OPHN1: variants seen among roughly 807,000 people sequenced by gnomAD.
The protein encoded by OPHN1 is oligophrenin 1, also known as oligophrenin-1.
A neutral mutation model predicts 60.7 loss-of-function variants in OPHN1; 11 were observed. That is an observed-to-expected ratio of 0.18 (90% CI 0.11 to 0.30). The LOEUF (loss-of-function observed/expected upper bound fraction) is 0.30. OPHN1 is among the 10% of genes least tolerant of loss of function. OPHN1 has a pLI of 1.00. For synonymous variants in OPHN1, 226 were observed against 222.6 expected (o/e 1.02, Z -0.14); for missense variants, 449 against 611.0 (o/e 0.73, Z 2.80).
intron 2 of OPHN1, among the ~76,000 whole-genome samples, chrX:68,405,301 T>C (rs1213461843): frequency 1.8e-5 from 2 of 111,450 alleles, no homozygotes; most frequent in Non-Finnish European, 3.8e-5. Flanking sequence ...ACACCTGGGC[T>C]CAAGTGAGCC....
intron 15 of OPHN1, among the ~76,000 whole-genome samples, chrX:68,161,798 A>G (rs2077335709): frequency 1.8e-5 from 2 of 111,559 alleles, no homozygotes; most frequent in South Asian, 7.4e-4. Flanking sequence ...AAGTCAAAAC[A>G]CCAAAAACCT....
Position 68,295,178 on chromosome X carries a change from G to A in OPHN1, c.250+3823C>T, listed in dbSNP as rs144754923. ...AGGTGACTCGGATATGAAGTTATAC[G>A]AGAAATAATGAACTAAATACTATTT... On this transcript the variant is annotated intron_variant, in intron 3 of 24. Transcript: ENST00000355520. Among the ~76,000 whole-genome samples the A allele has an allele frequency of 6.8e-3, 760 of 112,072 alleles. 4 individuals carry two copies. Among genetic ancestry groups the A allele is most frequent in the African/African-American group, 0.023 (725 of 30,854 alleles).
At chrX:68,260,773 G>A (rs1376559642) in intron 5 of OPHN1, among the ~76,000 whole-genome samples, 1 of 111,463 alleles carries the variant, frequency 9.0e-6, no homozygotes, top group Non-Finnish European at 1.9e-5. Context: ...ATGCACTCTG[G>A]TAGCCATTGA....
chrX:68,269,817 GA>G (rs775746435), intron 5 of OPHN1, among the ~76,000 whole-genome samples: 78 of 111,608 alleles, frequency 7.0e-4, no homozygotes, highest in Middle Eastern at 4.6e-3. Flanking sequence ...CAGAATGGGA[GA>G]AAAATTTTGC....
intron 2 of OPHN1, among the ~76,000 whole-genome samples, chrX:68,357,573 G>A (rs985830374): frequency 9.0e-5 from 10 of 110,793 alleles, no homozygotes; most frequent in African/African-American, 3.0e-4. Context: ...CCCTACAAAG[G>A]ACATGAACTC....
At chrX:68,052,700 GC>G (rs979341502) in intron 22 of OPHN1, 110 bp from the exon 23 acceptor site, 7 of 695,760 alleles carry the variant, frequency 1.0e-5, no homozygotes, top group African/African-American at 2.2e-5. Context: ...ACCAATGCCA[GC>G]CCCTGCCTTT....
intron 5 of OPHN1, among the ~76,000 whole-genome samples, chrX:68,258,244 T>C (rs1016710503): frequency 1.1e-4 from 12 of 110,834 alleles, no homozygotes; most frequent in African/African-American, 3.9e-4. Context: ...GCCATTATTC[T>C]TTTATTTATT....
intron 2 of OPHN1, among the ~76,000 whole-genome samples, chrX:68,302,311 C>G (rs957837872): frequency 8.9e-6 from 1 of 111,913 alleles, no homozygotes; most frequent in Admixed American, 9.5e-5. Context: ...AATCAAGAGC[C>G]AGGCGCAGTA....
At chrX:68,302,674 T>G (rs1298428630) in intron 2 of OPHN1, among the ~76,000 whole-genome samples, 1 of 111,463 alleles carries the variant, frequency 9.0e-6, no homozygotes, top group Non-Finnish European at 1.9e-5. Context: ...TCTCAGAGCT[T>G]TGGGAGGCCA....
intron 2 of OPHN1, among the ~76,000 whole-genome samples, chrX:68,416,065 TATAGAGAGAGAGAGAG>T (rs1452904372): frequency 0.058 from 287 of 4,991 alleles, no homozygotes; most frequent in Non-Finnish European, 0.14. Context: ...TATATATATA[TATAGAGAGAGAGAGAG>T]AGAGAGAGAG....
chrX:68,053,950 T>A, intron 21 of OPHN1, 140 bp from the exon 22 acceptor site: 1 of 477,416 alleles, frequency 2.1e-6, no homozygotes, highest in Non-Finnish European at 3.3e-6. Context: ...CTCTGGCTAT[T>A]TTTTTTTTTT....
In OPHN1 at chrX:68,308,601, A is replaced by AAAAAGAAAAGAAAAG. The variant is rs202118099; in HGVS notation, c.155-9520_155-9506dup. Among the ~76,000 whole-genome samples the AAAAAGAAAAGAAAAG allele has an allele frequency of 5.1e-4, 55 of 108,874 alleles. 1 individual carries two copies. The highest frequency in any genetic ancestry group is 1.8e-3 in the African/African-American group (53 of 29,103). 94.5% of individuals were successfully genotyped at this position (108,874 alleles called of 115,157 possible). ...AGTGAGACCCCATCTCACGAAAAGA[A>AAAAAGAAAAGAAAAG]AAAAGAAAAGAAAAGAAAAGAAAAA... On this transcript the variant is annotated intron_variant, in intron 2 of 24. Coordinates refer to ENST00000355520, the MANE Select transcript of OPHN1 (RefSeq NM_002547.3).
At chrX:68,217,640 A>G (rs2077620625) in intron 6 of OPHN1, among the ~76,000 whole-genome samples, 1 of 110,126 alleles carries the variant, frequency 9.1e-6, no homozygotes, top group Non-Finnish European at 1.9e-5. Context: ...CAAGCAGCCT[A>G]ACTGGGAGGC....
intron 15 of OPHN1, among the ~76,000 whole-genome samples, chrX:68,188,524 A>G (rs1441376592): frequency 8.9e-6 from 1 of 112,203 alleles, no homozygotes; most frequent in Admixed American, 9.5e-5. Flanking sequence ...ATACACACAT[A>G]TACAAGGATC....
intron 2 of OPHN1, among the ~76,000 whole-genome samples, chrX:68,395,645 C>A (rs1039176509): frequency 9.0e-6 from 1 of 110,585 alleles, no homozygotes; most frequent in African/African-American, 3.3e-5. Context: ...TGGGGTTTCT[C>A]CATGTTGGTC....
intron 20 of OPHN1, among the ~76,000 whole-genome samples, chrX:68,068,338 G>A (rs1310632736): frequency 9.2e-6 from 1 of 109,085 alleles, no homozygotes; most frequent in East Asian, 2.9e-4. Flanking sequence ...TGGTGTGGTG[G>A]TATGCACCTG....
chrX:68,168,971 G>T (rs150664600), intron 15 of OPHN1, among the ~76,000 whole-genome samples: 14,386 of 110,907 alleles, frequency 0.13, 974 homozygotes, highest in Middle Eastern at 0.26. Context: ...TTGACTCTCT[G>T]AATAGACCAA....
upstream of OPHN1, chrX:68,433,695 C>CTTTTA: frequency 3.4e-6 from 1 of 297,460 alleles, no homozygotes; most frequent in Non-Finnish European, 5.9e-6. Flanking sequence ...GGGAGCCGGC[C>CTTTTA]GGCCGGCCGT....
chrX:68,433,698 C>A (rs2078897828), upstream of OPHN1: 1 of 295,943 alleles, frequency 3.4e-6, no homozygotes, highest in African/African-American at 2.7e-5. Context: ...AGCCGGCCGG[C>A]CGGCCGTCCT....
Sources: allele counts gnomAD v4.1 joint callset (sites outside exome capture counted in the v4.1 genomes callset), GRCh38; gene constraint gnomAD v4.1.1; transcripts MANE v1.5; gene names NCBI Gene and HGNC (gene_info 2026-07-23, HGNC 2026-07-21).